Variants in SLC25A5 observed in about 807,000 individuals in gnomAD.
The protein encoded by SLC25A5 is ADP/ATP translocase 2.
SLC25A5 carries 4 observed loss-of-function variants against 16.5 expected under a neutral mutation model. The ratio of observed to expected loss-of-function variants is 0.24; its 90% confidence interval spans 0.12 to 0.56. The LOEUF is 0.56. Among genes scored for constraint, SLC25A5 ranks in the 20% least tolerant of loss-of-function variants. SLC25A5 has a pLI of 0.93. For synonymous variants in SLC25A5, 60 were observed against 95.2 expected (o/e 0.63, Z 2.15); for missense variants, 88 against 248.0 (o/e 0.35, Z 4.33).
rs2052815067 is a variant in SLC25A5, at chrX:119,469,708, C to T, written c.159C>T (p.Gly53=). ...TCACTGCAGATAAGCAATACAAAGG[C>T]ATTATAGACTGCGTGGTCCGTATTC... ...KQITADKQYK[G]IIDCVVRIPK... is the part of the protein sequence containing the mutation. Residue 53 remains glycine (G), a synonymous_variant, in exon 2 of 4, where the codon GGC becomes GGT. Coordinates refer to ENST00000317881, the MANE Select transcript of SLC25A5 (RefSeq NM_001152.5). 8.3e-7 allele frequency: 1 copy of T among 1,210,923 alleles called. No individual in the cohort carries two copies. Among genetic ancestry groups the T allele is most frequent in the Non-Finnish European group, 1.1e-6 (1 of 894,614 alleles).
At chrX:119,469,403 G>A (rs974612933) in intron 1 of SLC25A5, 20 of 327,799 alleles carry the variant, frequency 6.1e-5, no homozygotes, top group African/African-American at 5.0e-4. Flanking sequence ...TTTCTCCTAG[G>A]TCTGAAGGTC....
chrX:119,468,471 T>G lies in SLC25A5; in HGVS notation c.-45T>G, dbSNP rs771229485. The G allele has an allele frequency of 3.6e-6, 4 of 1,118,560 alleles. No homozygotes were observed. The African/African-American group carries it at 7.1e-5, about 20-fold the overall frequency. 92.2% of individuals were successfully genotyped at this position (1,118,560 alleles called of 1,213,427 possible). ...CCGCAGCGCCGGAGTCAAAGCCGGTTCCCGGCCCAGTCCCGTCCTGCAGCA... is the reference window on the plus strand; with the variant it reads ...CCGCAGCGCCGGAGTCAAAGCCGGTGCCCGGCCCAGTCCCGTCCTGCAGCA... On this transcript the variant is annotated 5_prime_UTR_variant, in exon 1 of 4. Transcript: ENST00000317881.
In SLC25A5 at chrX:119,471,022, G is replaced by T. The variant is rs759453799; in HGVS notation, c.861G>T (p.Val287=). The change falls in exon 4 of 4, where the codon GTG becomes GTT. Residue 287 remains valine, a synonymous_variant. Coordinates refer to ENST00000317881, the MANE Select transcript of SLC25A5 (RefSeq NM_001152.5). ...TCAGAGGCATGGGTGGTGCTTTTGT[G>T]CTTGTCTTGTATGATGAAATCAAGA... ...NVLRGMGGAF[V]LVLYDEIKKY... 8.3e-7 allele frequency: 1 copy of T among 1,211,319 alleles called. No individual in the cohort carries two copies. Among genetic ancestry groups the T allele is most frequent in the African/African-American group, 1.7e-5 (1 of 58,197 alleles).
At position 119,470,060 on chromosome X, in the gene SLC25A5, A is replaced by G. The variant is rs2052820085; in HGVS notation, c.511A>G (p.Lys171Glu). Residue 171 changes from lysine to glutamate, a missense_variant, in exon 2 of 4, where the codon AAG becomes GAG. Lys to Glu is a moderately conservative substitution (Grantham distance 56). Transcript: ENST00000317881. ...TAAGATCTACAAATCTGATGGGATT[A>G]AGGGCCTGTACCAAGGCTTTAACGT... Reference protein sequence around the residue: ...LVKIYKSDGIKGLYQGFNVSV... With the variant: ...LVKIYKSDGIEGLYQGFNVSV... The G allele has an allele frequency of 8.2e-7, 1 of 1,212,310 alleles. No homozygotes were observed. Among genetic ancestry groups the G allele is most frequent in the Non-Finnish European group, 1.1e-6 (1 of 895,350 alleles).
chrX:119,470,706 A>G (rs2147314550), intron 3 of SLC25A5, among the ~76,000 whole-genome samples, 193 bp downstream of exon 3: 1 of 112,246 alleles, frequency 8.9e-6, no homozygotes, highest in East Asian at 2.8e-4. Context: ...AAATGGTGTT[A>G]GAGGTTAAGA....
Position 119,470,901 on chromosome X carries a change from C to T in SLC25A5, c.740C>T (p.Thr247Ile), listed in dbSNP as rs758349252. 3.3e-6 allele frequency: 4 copies of T among 1,206,002 alleles called. No homozygotes were observed. The highest frequency in any genetic ancestry group is 4.5e-6 in the Non-Finnish European group (4 of 893,218). Residue 247 changes from threonine to isoleucine, a missense_variant and splice_region_variant, in exon 4 of 4, where the codon ACT becomes ATT. By Grantham distance (89) the Thr-to-Ile change is moderately conservative. Transcript: ENST00000317881. ...RMMMQSGRKGTDIMYTGTLDC... is the reference protein window; with the variant it reads ...RMMMQSGRKGIDIMYTGTLDC... ...AACTCCATGTCTTTATTCTTTGCAGCTGACATCATGTACACAGGCACGCTT... is the reference window on the plus strand; with the variant it reads ...AACTCCATGTCTTTATTCTTTGCAGTTGACATCATGTACACAGGCACGCTT...
At chrX:119,470,640 C>A in intron 3 of SLC25A5, 127 bp downstream of exon 3, 1 of 872,825 alleles carries the variant, frequency 1.1e-6, no homozygotes, top group Non-Finnish European at 1.6e-6. Context: ...GCATCTGTGT[C>A]TGTTCCACAA....
intron 1 of SLC25A5, chrX:119,469,307 G>A (rs1051557712): frequency 7.5e-6 from 1 of 133,338 alleles, no homozygotes; most frequent in Non-Finnish European, 1.5e-5. Context: ...CAGGAGACTT[G>A]AGGCGTAGGC....
rs2052831526 is a variant in SLC25A5, at chrX:119,471,307, T to A, written c.*249T>A. ...AATAACAAATTTGGAGAAATAAAAA[T>A]ATCTAAAATAAATTTTGTCTGCAGT... On this transcript the variant is annotated 3_prime_UTR_variant, in exon 4 of 4. Transcript: ENST00000317881. 7.1e-6 allele frequency: 1 copy of A among 140,664 alleles called. No homozygotes were observed. The highest frequency in any genetic ancestry group is 1.7e-4 in the Admixed American group (1 of 6,047). The allele number at this position is 140,664 out of a possible 1,213,427, so 11.6% of individuals were successfully genotyped here.
intron 1 of SLC25A5, chrX:119,469,087 G>T (rs959402145): frequency 8.7e-6 from 1 of 115,363 alleles, no homozygotes; most frequent in African/African-American, 3.2e-5. Context: ...CGCCGGGCCG[G>T]AAGCCGGCGC....
Position 119,468,591 on chromosome X carries a change from G to A in SLC25A5, c.76G>A (p.Val26Ile), listed in dbSNP as rs2052802657. Reference protein sequence around the residue: ...GVAAAISKTAVAPIERVKLLL... With the variant: ...GVAAAISKTAIAPIERVKLLL... ...GGCCGCAGCCATCTCCAAGACGGCG[G>A]TAGCGCCCATCGAGCGGGTCAAGCT... Residue 26 changes from valine (V) to isoleucine (I), a missense_variant, in exon 1 of 4, where the codon GTA (valine) becomes ATA (isoleucine). Coordinates refer to ENST00000317881, the MANE Select transcript of SLC25A5 (RefSeq NM_001152.5). 1.7e-6 allele frequency: 2 copies of A among 1,209,036 alleles called. No homozygotes were observed. Among genetic ancestry groups the A allele is most frequent in the Non-Finnish European group, 2.2e-6 (2 of 894,863 alleles).
intron 1 of SLC25A5, chrX:119,468,978 T>G (rs2052806383): frequency 4.9e-6 from 1 of 202,021 alleles, no homozygotes; most frequent in African/African-American, 2.9e-5. Context: ...ACGCCAGTTC[T>G]TACCGAAGAC....
chrX:119,468,643 A>G lies in SLC25A5; in HGVS notation c.111+17A>G, dbSNP rs1274535324. The G allele has an allele frequency of 3.4e-6, 4 of 1,177,952 alleles. No homozygotes were observed. The East Asian group carries it at 1.2e-4, about 35-fold the overall frequency. On this transcript the variant is annotated intron_variant, in intron 1 of 3. Transcript: ENST00000317881. ...CTGCTGCAGGTACGTCCTGGGATCC[A>G]GGAGCCCAACCAGGAAGTGGGGGGA...
intron 3 of SLC25A5, among the ~76,000 whole-genome samples, 187 bp downstream of exon 3, chrX:119,470,700 G>T (rs912431095): frequency 8.9e-6 from 1 of 112,088 alleles, no homozygotes; most frequent in African/African-American, 3.2e-5. Context: ...GTGCTTAAAT[G>T]GTGTTAGAGG....
chrX:119,468,642 CA>C lies in SLC25A5; in HGVS notation c.111+17del. 1 of 1,180,669 alleles carries C rather than the reference CA, an allele frequency of 8.5e-7. No homozygotes were observed. The highest frequency in any genetic ancestry group is 1.1e-6 in the Non-Finnish European group (1 of 872,852). On this transcript the variant is annotated intron_variant, in intron 1 of 3. Transcript: ENST00000317881. ...GCTGCTGCAGGTACGTCCTGGGATC[CA>C]GGAGCCCAACCAGGAAGTGGGGGGA... is the stretch of plus-strand genomic sequence containing the variant.
Position 119,468,584 on chromosome X carries a change from G to A in SLC25A5, c.69G>A (p.Lys23=), listed in dbSNP as rs2052802582. 8.3e-7 allele frequency: 1 copy of A among 1,210,143 alleles called. No individual in the cohort carries two copies. The highest frequency in any genetic ancestry group is 3.0e-5 in the East Asian group (1 of 33,841). ...GTGGAGTGGCCGCAGCCATCTCCAAGACGGCGGTAGCGCCCATCGAGCGGG... is the reference window on the plus strand; with the variant it reads ...GTGGAGTGGCCGCAGCCATCTCCAAAACGGCGGTAGCGCCCATCGAGCGGG... ...LAGGVAAAIS[K]TAVAPIERVK... The change falls in exon 1 of 4, where the codon AAG becomes AAA. Residue 23 remains lysine (K), a synonymous_variant. Transcript: ENST00000317881.
At chrX:119,468,760 G>A (rs1028503856) in intron 1 of SLC25A5, 134 bp downstream of exon 1, 37 of 527,697 alleles carry the variant, frequency 7.0e-5, no homozygotes, top group Middle Eastern at 5.6e-4. Context: ...GCCAGAGCGG[G>A]GCGCAGAGGC....
In SLC25A5 at chrX:119,468,475, G is replaced by T. The variant is rs1476512527; in HGVS notation, c.-41G>T. ...AGCGCCGGAGTCAAAGCCGGTTCCC[G>T]GCCCAGTCCCGTCCTGCAGCAGTCT... On this transcript the variant is annotated 5_prime_UTR_variant, in exon 1 of 4. Coordinates refer to ENST00000317881, the MANE Select transcript of SLC25A5 (RefSeq NM_001152.5). The T allele has an allele frequency of 5.3e-6, 6 of 1,136,101 alleles. No homozygotes were observed. The African/African-American group carries it at 5.3e-5, about 10-fold the overall frequency. The allele number at this position is 1,136,101 out of a possible 1,213,427, so 93.6% of individuals were successfully genotyped here.
rs752666982 is a variant in SLC25A5, at chrX:119,470,881, C to T, written c.740-20C>T. ...TTCATCGGCCTTCAGTCACTAACTCCATGTCTTTATTCTTTGCAGCTGACA... is the reference window on the plus strand; with the variant it reads ...TTCATCGGCCTTCAGTCACTAACTCTATGTCTTTATTCTTTGCAGCTGACA... On this transcript the variant is annotated intron_variant, in intron 3 of 3. Coordinates refer to ENST00000317881, the MANE Select transcript of SLC25A5 (RefSeq NM_001152.5). 8.3e-7 allele frequency: 1 copy of T among 1,198,904 alleles called. No individual in the cohort carries two copies. The highest frequency in any genetic ancestry group is 3.0e-5 in the East Asian group (1 of 33,648).
Sources: allele counts gnomAD v4.1 joint callset (sites outside exome capture counted in the v4.1 genomes callset), GRCh38; gene constraint gnomAD v4.1.1; transcripts MANE v1.5; gene names NCBI Gene and HGNC (gene_info 2026-07-23, HGNC 2026-07-21).